The following PLPPR1 variants were observed in gnomAD, a reference collection of about 807,000 sequenced individuals.
PLPPR1 encodes phospholipid phosphatase-related protein type 1.
A neutral mutation model predicts 33.1 loss-of-function variants in PLPPR1; 10 were observed. That is an observed-to-expected ratio of 0.30 (90% confidence interval 0.19 to 0.51). PLPPR1 has a LOEUF of 0.51. Among genes scored for constraint, PLPPR1 ranks in the 20% least tolerant of loss-of-function variants. The pLI is 0.97. For synonymous variants in PLPPR1, 151 were observed against 151.0 expected (o/e 1.00, Z 0.00); for missense variants, 304 against 408.1 (o/e 0.74, Z 2.20).
chr9:101,254,611 A>G (rs1055713680), intron 2 of PLPPR1, among the ~76,000 whole-genome samples: 1 of 151,976 alleles, frequency 6.6e-6, no homozygotes, highest in African/African-American at 2.4e-5. Context: ...AATAACTTAA[A>G]CTCTCCAATC....
rs1323677400 is a variant in PLPPR1 at position 101,180,157 on chromosome 9, CACACAT to C, written c.-45-5287_-45-5282del. Among the ~76,000 whole-genome samples the C allele has an allele frequency of 1.4e-3, 190 of 134,022 alleles. 1 individual carries two copies. Among genetic ancestry groups the C allele is most frequent in the African/African-American group, 4.7e-3 (170 of 36,498 alleles). The allele number at this position is 134,022 out of a possible 152,430, so 87.9% of individuals were successfully genotyped here. ...ATATATATATATACACACACACACA[CACACAT>C]ACACACACACACAGACACACACATA... On this transcript the variant is annotated intron_variant, in intron 1 of 7. Coordinates refer to ENST00000374874, the MANE Select transcript of PLPPR1 (RefSeq NM_207299.2).
At chr9:101,083,046 G>T (rs148942633) in intron 1 of PLPPR1, among the ~76,000 whole-genome samples, 1 of 152,064 alleles carries the variant, frequency 6.6e-6, no homozygotes, top group African/African-American at 2.4e-5. Flanking sequence ...GCTGAGGCCC[G>T]GCCTTTTCTT....
chr9:101,083,185 G>A (rs1830640925), intron 1 of PLPPR1, among the ~76,000 whole-genome samples: 1 of 151,852 alleles, frequency 6.6e-6, no homozygotes, highest in Non-Finnish European at 1.5e-5. Context: ...TTGAGATCGA[G>A]TCTCACTCTG....
chr9:101,200,464 TAC>T (rs58225066), intron 2 of PLPPR1, among the ~76,000 whole-genome samples: 18,979 of 152,116 alleles, frequency 0.12, 1,415 homozygotes, highest in East Asian at 0.27. Flanking sequence ...AGAGAATACA[TAC>T]AGAGTGGAAA....
chr9:101,065,910 C>G (rs1830407374), intron 1 of PLPPR1, among the ~76,000 whole-genome samples: 1 of 152,016 alleles, frequency 6.6e-6, no homozygotes, highest in Non-Finnish European at 1.5e-5. Context: ...ACCTAACTTC[C>G]CCTATTGTTG....
At chr9:101,098,830 T>A (rs1007076633) in intron 1 of PLPPR1, among the ~76,000 whole-genome samples, 27 of 152,140 alleles carry the variant, frequency 1.8e-4, no homozygotes, top group African/African-American at 6.0e-4. Flanking sequence ...AATTGGAGTT[T>A]CTGGGCCTCC....
At chr9:101,044,967 T>C (rs1169670089) in intron 1 of PLPPR1, among the ~76,000 whole-genome samples, 1 of 152,198 alleles carries the variant, frequency 6.6e-6, no homozygotes, top group Non-Finnish European at 1.5e-5. Flanking sequence ...GTTAAGAAGA[T>C]TCTCAGCCTT....
intron 1 of PLPPR1, among the ~76,000 whole-genome samples, chr9:101,148,530 C>T (rs549271803): frequency 6.6e-5 from 10 of 152,192 alleles, no homozygotes; most frequent in Non-Finnish European, 7.3e-5. Flanking sequence ...GTATTCCCTA[C>T]TCCCATTATG....
intron 4 of PLPPR1, among the ~76,000 whole-genome samples, chr9:101,303,908 C>A (rs1346497369): frequency 1.3e-5 from 2 of 152,160 alleles, no homozygotes. Flanking sequence ...CTAAGATATG[C>A]ATGTTTCAAT....
intron 2 of PLPPR1, among the ~76,000 whole-genome samples, chr9:101,226,632 A>G (rs1827075565): frequency 6.6e-6 from 1 of 152,094 alleles, no homozygotes; most frequent in African/African-American, 2.4e-5. Context: ...TTATAAAGAA[A>G]CTAATCCCAT....
chr9:101,059,554 G>A (rs1328485656), intron 1 of PLPPR1, among the ~76,000 whole-genome samples: 1 of 152,006 alleles, frequency 6.6e-6, no homozygotes, highest in Non-Finnish European at 1.5e-5. Flanking sequence ...TTACATATTT[G>A]CAAACCATAT....
At chr9:101,285,589 C>T (rs1055059691) in intron 3 of PLPPR1, among the ~76,000 whole-genome samples, 1 of 152,174 alleles carries the variant, frequency 6.6e-6, no homozygotes, top group Non-Finnish European at 1.5e-5. Flanking sequence ...TATAACAAAA[C>T]TAATTTTACC....
intron 1 of PLPPR1, among the ~76,000 whole-genome samples, chr9:101,041,536 T>C (rs1396977999): frequency 6.6e-6 from 1 of 152,190 alleles, no homozygotes; most frequent in Non-Finnish European, 1.5e-5. Flanking sequence ...TCTAGCTATC[T>C]TGGGATCTTT....
At chr9:101,238,041 GTA>G (rs559336914) in intron 2 of PLPPR1, among the ~76,000 whole-genome samples, 4 of 126,102 alleles carry the variant, frequency 3.2e-5, no homozygotes, top group Non-Finnish European at 5.0e-5. Flanking sequence ...AGAGAAATGT[GTA>G]TATATATATA....
intron 2 of PLPPR1, among the ~76,000 whole-genome samples, chr9:101,237,279 G>C (rs184151304): frequency 1.3e-4 from 20 of 151,752 alleles, no homozygotes; most frequent in Admixed American, 1.3e-3. Flanking sequence ...CAATAGAACT[G>C]AAAATAGAAC....
chr9:101,300,079 C>G (rs12553209), intron 4 of PLPPR1, among the ~76,000 whole-genome samples: 35,819 of 151,720 alleles, frequency 0.24, 4,359 homozygotes, highest in Admixed American at 0.29. Flanking sequence ...TATAACAAAA[C>G]TAGGCACTAA....
At chr9:101,088,001 T>C (rs978178469) in intron 1 of PLPPR1, among the ~76,000 whole-genome samples, 1 of 152,202 alleles carries the variant, frequency 6.6e-6, no homozygotes, top group Admixed American at 6.5e-5. Context: ...GTAGAGAGTT[T>C]GTCAACACTG....
intron 1 of PLPPR1, among the ~76,000 whole-genome samples, chr9:101,062,370 C>T (rs2118469012): frequency 6.6e-6 from 1 of 152,114 alleles, no homozygotes; most frequent in Middle Eastern, 3.4e-3. Context: ...AAATGGGGCT[C>T]ATTGATTGCC....
chr9:101,222,168 A>C (rs867181670), intron 2 of PLPPR1, among the ~76,000 whole-genome samples: 14 of 152,304 alleles, frequency 9.2e-5, no homozygotes, highest in African/African-American at 3.4e-4. Flanking sequence ...AGCACCTGAG[A>C]AACTGGGGAA....
Sources: gnomAD v4.1 joint callset for allele counts (sites outside exome capture counted in the v4.1 genomes callset) on GRCh38, gnomAD v4.1.1 for gene constraint, MANE v1.5 for transcripts, NCBI Gene and HGNC (gene_info 2026-07-23, HGNC 2026-07-21) for gene names.